MEI4: variants seen among roughly 807,000 people sequenced by gnomAD.
The protein encoded by MEI4 is meiosis-specific protein MEI4.
A neutral mutation model predicts 31.4 loss-of-function variants in MEI4; 27 were observed. The ratio of observed to expected loss-of-function variants is 0.86; its 90% CI spans 0.63 to 1.19. The LOEUF is 1.19. Among genes scored for constraint, MEI4 ranks in the 50% most tolerant of loss-of-function variants. MEI4 has a pLI of 0.00. For missense variants in MEI4, 329 were observed against 398.9 expected (o/e 0.82, Z 1.49); for synonymous variants, 122 against 145.4 (o/e 0.84, Z 1.16).
At chr6:77,729,774 G>A (rs1323881926) in intron 2 of MEI4, among the ~76,000 whole-genome samples, 1 of 152,138 alleles carries the variant, frequency 6.6e-6, no homozygotes, top group Non-Finnish European at 1.5e-5. Flanking sequence ...AACACTGAAT[G>A]TCTATGCTTA....
chr6:77,912,096 A>T (rs1581974046), intron 4 of MEI4, among the ~76,000 whole-genome samples: 2 of 152,172 alleles, frequency 1.3e-5, no homozygotes, highest in East Asian at 3.9e-4. Context: ...TCCTTTTCCC[A>T]GTGGATGTTC....
At position 77,858,807 on chromosome 6, in the gene MEI4, ATT is replaced by A. The variant is rs5877572; in HGVS notation, c.900+29754_900+29755del. ...TACAGTTTAAGCAGGATATACTACAATTTTTTTTTTGTAATTCCCTTTAATCT... is the reference window on the plus strand; with the variant it reads ...TACAGTTTAAGCAGGATATACTACAATTTTTTTTGTAATTCCCTTTAATCT... On this transcript the variant is annotated intron_variant, in intron 4 of 4. Transcript: ENST00000684080. Among the ~76,000 whole-genome samples, 90 of 149,866 alleles carry A rather than the reference ATT, an allele frequency of 6.0e-4. 2 individuals carry two copies. The East Asian group carries it at 0.014, about 23-fold the overall frequency.
chr6:77,815,672 AACT>A (rs1426461594), intron 3 of MEI4, among the ~76,000 whole-genome samples: 3 of 152,166 alleles, frequency 2.0e-5, no homozygotes, highest in African/African-American at 7.2e-5. Context: ...AAAGTCTGAG[AACT>A]GCAATAATGA....
intron 4 of MEI4, among the ~76,000 whole-genome samples, chr6:77,918,551 A>G (rs1766621540): frequency 6.8e-6 from 1 of 148,038 alleles, no homozygotes. Context: ...GAGTTCACTC[A>G]TGATTTGGCT....
chr6:77,650,937 G>C (rs753613569), upstream of MEI4, among the ~76,000 whole-genome samples: 1 of 152,176 alleles, frequency 6.6e-6, no homozygotes. Flanking sequence ...TCTATTCAGT[G>C]AGCAGATCTT....
intron 3 of MEI4, among the ~76,000 whole-genome samples, chr6:77,767,889 G>C (rs1173941618): frequency 6.6e-6 from 1 of 151,360 alleles, no homozygotes; most frequent in Non-Finnish European, 1.5e-5. Context: ...CATTGCTCAT[G>C]CAGAGGAAGG....
At chr6:77,794,407 C>G (rs531761088) in intron 3 of MEI4, among the ~76,000 whole-genome samples, 9 of 152,124 alleles carry the variant, frequency 5.9e-5, no homozygotes, top group Non-Finnish European at 1.2e-4. Context: ...ACTAAAAATA[C>G]AAAATATTAG....
At chr6:77,878,820 A>G (rs546636652) in intron 4 of MEI4, among the ~76,000 whole-genome samples, 2 of 152,322 alleles carry the variant, frequency 1.3e-5, no homozygotes, top group Non-Finnish European at 2.9e-5. Context: ...ACTTAAAATA[A>G]CAGAGGTCTG....
intron 4 of MEI4, among the ~76,000 whole-genome samples, chr6:77,866,803 G>A (rs567456145): frequency 1.6e-4 from 25 of 152,268 alleles, no homozygotes; most frequent in African/African-American, 5.8e-4. Flanking sequence ...GAGGCATCAC[G>A]CTACCTGACT....
chr6:77,733,444 G>T (rs36168733), intron 2 of MEI4, among the ~76,000 whole-genome samples: 22,855 of 151,970 alleles, frequency 0.15, 2,137 homozygotes, highest in East Asian at 0.4. Flanking sequence ...TCTGATGGTA[G>T]TTTGTATTTC....
At chr6:77,652,305 C>T (rs1768312628), upstream of MEI4, among the ~76,000 whole-genome samples, 1 of 152,124 alleles carries the variant, frequency 6.6e-6, no homozygotes, top group Non-Finnish European at 1.5e-5. Flanking sequence ...CTGCTGAAGT[C>T]AGAGAGCAAA....
intron 2 of MEI4, among the ~76,000 whole-genome samples, chr6:77,711,600 G>C (rs746026601): frequency 6.6e-6 from 1 of 152,298 alleles, no homozygotes; most frequent in African/African-American, 2.4e-5. Flanking sequence ...AGGTGTCTCT[G>C]TGCATATTGG....
At chr6:77,901,187 A>T (rs1766180632) in intron 4 of MEI4, among the ~76,000 whole-genome samples, 2 of 152,032 alleles carry the variant, frequency 1.3e-5, no homozygotes, top group South Asian at 4.1e-4. Flanking sequence ...AGTAGTACAG[A>T]TATTTCTTTG....
chr6:77,899,359 GA>G (rs1359027613), intron 4 of MEI4, among the ~76,000 whole-genome samples: 4 of 151,968 alleles, frequency 2.6e-5, no homozygotes, highest in African/African-American at 9.7e-5. Context: ...TTTTTTACCA[GA>G]AAATTATCTC....
In MEI4 at chr6:77,661,602, A is replaced by G. The variant is rs372708676; in HGVS notation, c.-15+8510A>G. Among the ~76,000 whole-genome samples the G allele has an allele frequency of 8.7e-4, 133 of 152,304 alleles. 2 individuals carry two copies. The highest frequency in any genetic ancestry group is 2.2e-3 in the African/African-American group (92 of 41,584). On this transcript the variant is annotated intron_variant, in intron 1 of 4. Coordinates refer to ENST00000684080, the MANE Select transcript of MEI4 (RefSeq NM_001322247.2). ...TGAGGGGTAGTAGAATAGCAGATGG[A>G]ACACTGAGAAGTGATCTCCTTGAGG...
chr6:77,727,296 A>G (rs927583196), intron 2 of MEI4, among the ~76,000 whole-genome samples: 2 of 152,220 alleles, frequency 1.3e-5, no homozygotes, highest in Admixed American at 6.5e-5. Context: ...GGCCTATATT[A>G]TAATCTTCAG....
At chr6:77,706,085 C>G (rs1376208889) in intron 2 of MEI4, among the ~76,000 whole-genome samples, 1 of 152,142 alleles carries the variant, frequency 6.6e-6, no homozygotes, top group African/African-American at 2.4e-5. Context: ...TCCTCTTTCT[C>G]CCCAAGGCAG....
At position 77,771,532 on chromosome 6, in the gene MEI4, C is replaced by T. The variant is rs373864337; in HGVS notation, c.768+9867C>T. 3.9e-5 allele frequency among the ~76,000 whole-genome samples: 6 copies of T among 152,204 alleles called. No individual in the cohort carries two copies. The East Asian group carries it at 1.2e-3, about 29-fold the overall frequency. ...ATTCACAGTAGCAAAGACATGTTATCAACCTAAATGCCCATTAACAGTAAA... is the reference window on the plus strand; with the variant it reads ...ATTCACAGTAGCAAAGACATGTTATTAACCTAAATGCCCATTAACAGTAAA... On this transcript the variant is annotated intron_variant, in intron 3 of 4. Coordinates refer to ENST00000684080, the MANE Select transcript of MEI4 (RefSeq NM_001322247.2).
intron 3 of MEI4, among the ~76,000 whole-genome samples, chr6:77,812,850 A>G (rs1225343226): frequency 6.6e-6 from 1 of 152,136 alleles, no homozygotes; most frequent in Non-Finnish European, 1.5e-5. Flanking sequence ...CTAAGTTTGT[A>G]TAGCACCCCT....
Sources: gnomAD v4.1 joint callset for allele counts (sites outside exome capture counted in the v4.1 genomes callset) on GRCh38, gnomAD v4.1.1 for gene constraint, MANE v1.5 for transcripts, NCBI Gene and HGNC (gene_info 2026-07-23, HGNC 2026-07-21) for gene names.